Variants in MAPRE1 observed in about 807,000 individuals in gnomAD.
MAPRE1 encodes microtubule associated protein RP/EB family member 1, also known as microtubule-associated protein RP/EB family member 1.
Under a neutral mutation model 32.1 loss-of-function variants are expected in MAPRE1, and 5 were observed. That is an observed-to-expected ratio of 0.16 (90% confidence interval 0.08 to 0.33). The LOEUF (loss-of-function observed/expected upper bound fraction) is 0.33. Among genes scored for constraint, MAPRE1 ranks in the 10% least tolerant of loss-of-function variants. The pLI is 1.00. For missense variants in MAPRE1, 209 were observed against 327.2 expected, an observed-to-expected ratio of 0.64 and a Z score of 2.79; for synonymous variants, 122 against 118.9, an observed-to-expected ratio of 1.03 and a Z score of -0.17.
At chr20:32,822,432 A>G (rs1311048254) in intron 1 of MAPRE1, among the ~76,000 whole-genome samples, 1 of 152,192 alleles carries the variant, frequency 6.6e-6, no homozygotes, top group African/African-American at 2.4e-5. Flanking sequence ...GAACAGATTG[A>G]CACAGACAAA....
At chr20:32,828,791 C>G (rs1982938753) in intron 2 of MAPRE1, among the ~76,000 whole-genome samples, 1 of 152,194 alleles carries the variant, frequency 6.6e-6, no homozygotes, top group African/African-American at 2.4e-5. Context: ...TCTGAGCACA[C>G]AGCCCACATG....
chr20:32,822,860 TC>T (rs1982740149), intron 1 of MAPRE1, among the ~76,000 whole-genome samples: 2 of 152,214 alleles, frequency 1.3e-5, no homozygotes, highest in African/African-American at 2.4e-5. Context: ...TTGTGGGACT[TC>T]CTATCATAAA....
At chr20:32,822,394 A>C (rs1046431458) in intron 1 of MAPRE1, among the ~76,000 whole-genome samples, 1 of 152,178 alleles carries the variant, frequency 6.6e-6, no homozygotes, top group Non-Finnish European at 1.5e-5. Flanking sequence ...TTTGTGATTC[A>C]GGAAATTCTC....
intron 2 of MAPRE1, among the ~76,000 whole-genome samples, chr20:32,833,234 A>C (rs955661074): frequency 6.6e-6 from 1 of 152,130 alleles, no homozygotes; most frequent in Non-Finnish European, 1.5e-5. Flanking sequence ...GGTTAAATGT[A>C]TTTAGAGATG....
chr20:32,839,896 G>C, intron 5 of MAPRE1, 40 bp downstream of exon 5: 1 of 1,611,130 alleles, frequency 6.2e-7, no homozygotes, highest in Non-Finnish European at 8.5e-7. Flanking sequence ...CACCTCGGGG[G>C]ATAGGATCCT....
intron 5 of MAPRE1, chr20:32,843,567 A>G (rs745479220): frequency 6.6e-6 from 1 of 152,270 alleles, no homozygotes; most frequent in Non-Finnish European, 1.5e-5. Context: ...ATCATCTAAT[A>G]TGTAAAAAAT....
rs1027352919 is a variant in MAPRE1, at chr20:32,833,966, T to C, written c.267+104T>C. 20 of 1,162,408 alleles carry C rather than the reference T, an allele frequency of 1.7e-5. No individual in the cohort carries two copies. In the African/African-American group the frequency reaches 2.3e-4, roughly 14 times the overall value. 72.0% of individuals were successfully genotyped at this position (1,162,408 alleles called of 1,614,324 possible). A position where few individuals can be genotyped will look rare whatever the true frequency, so the allele number is the denominator to read the frequency against. On this transcript the variant is annotated intron_variant, in intron 3 of 6. Transcript: ENST00000375571. The stretch of plus-strand genomic sequence containing the variant: ...TTGGACATTTTCTTTTTTTTCTTAA[T>C]TTATCTAGTTAACTTTTCTCAGTTA...
At chr20:32,840,756 A>G (rs1983335441) in intron 5 of MAPRE1, among the ~76,000 whole-genome samples, 1 of 152,264 alleles carries the variant, frequency 6.6e-6, no homozygotes, top group Admixed American at 6.5e-5. Context: ...ACCCACACTC[A>G]GACTTCTAAG....
intron 2 of MAPRE1, among the ~76,000 whole-genome samples, chr20:32,826,736 C>T (rs1009539960): frequency 9.9e-5 from 15 of 151,474 alleles, no homozygotes; most frequent in African/African-American, 2.7e-4. Flanking sequence ...ACCATGAGGT[C>T]GAACTCGTGA....
At chr20:32,821,887 G>A (rs1982713677) in intron 1 of MAPRE1, among the ~76,000 whole-genome samples, 2 of 152,192 alleles carry the variant, frequency 1.3e-5, no homozygotes, top group African/African-American at 4.8e-5. Context: ...CCTGGATCAG[G>A]AAGCCTTGTA....
chr20:32,845,282 C>T (rs977314075), intron 5 of MAPRE1, among the ~76,000 whole-genome samples: 1 of 152,170 alleles, frequency 6.6e-6, no homozygotes, highest in African/African-American at 2.4e-5. Flanking sequence ...CTCAAGCGAT[C>T]CTCTCACCTT....
chr20:32,823,377 C>T lies in MAPRE1; in HGVS notation c.-3-2548C>T, dbSNP rs566714217. Among the ~76,000 whole-genome samples, 276 of 152,216 alleles carry T rather than the reference C, an allele frequency of 1.8e-3. 1 individual carries two copies. The highest frequency in any genetic ancestry group is 6.3e-3 in the African/African-American group (261 of 41,478). On this transcript the variant is annotated intron_variant, in intron 1 of 6. Coordinates refer to ENST00000375571, the MANE Select transcript of MAPRE1 (RefSeq NM_012325.3). The stretch of plus-strand genomic sequence containing the variant: ...CAGATTGCTCTGCATCTTTCCCCTG[C>T]CCCTCCCCACTGGTAATGTTGCTGT...
At chr20:32,828,249 G>T (rs929941349) in intron 2 of MAPRE1, among the ~76,000 whole-genome samples, 8 of 152,158 alleles carry the variant, frequency 5.3e-5, no homozygotes, top group Non-Finnish European at 1.2e-4. Flanking sequence ...CCATTTGTGT[G>T]AGGCTTTTAA....
chr20:32,834,962 A>G lies in MAPRE1; in HGVS notation c.267+1100A>G, dbSNP rs78760525. Among the ~76,000 whole-genome samples the G allele has an allele frequency of 8.5e-4, 129 of 152,328 alleles. 1 individual carries two copies. In the East Asian group the frequency reaches 0.023, roughly 27 times the overall value. On this transcript the variant is annotated intron_variant, in intron 3 of 6. Coordinates refer to ENST00000375571, the MANE Select transcript of MAPRE1 (RefSeq NM_012325.3). ...AGGTAATATTTGTGAATGTTTCAGT[A>G]TCAAGCAAAGTAACTTTTAAAAATT... is the stretch of plus-strand genomic sequence containing the variant.
rs566623343 is a variant in MAPRE1, at chr20:32,843,837, T to C, written c.598-2781T>C. ...ATAAGGTTCTAAGAGTGACCTTAAT[T>C]ACTAGCTACAGGTTTTTTTTTTTTT... On this transcript the variant is annotated intron_variant, in intron 5 of 6. Coordinates refer to ENST00000375571, the MANE Select transcript of MAPRE1 (RefSeq NM_012325.3). 5.3e-5 allele frequency among the ~76,000 whole-genome samples: 8 copies of C among 152,118 alleles called. No individual in the cohort carries two copies. The East Asian group carries it at 1.5e-3, about 29-fold the overall frequency.
chr20:32,830,059 A>G (rs181280211), intron 2 of MAPRE1, among the ~76,000 whole-genome samples: 2 of 152,164 alleles, frequency 1.3e-5, no homozygotes, highest in East Asian at 1.9e-4. Context: ...TCAAGAGCAC[A>G]GCTTGGTCCT....
chr20:32,822,796 T>G (rs1260422935), intron 1 of MAPRE1, among the ~76,000 whole-genome samples: 2 of 152,208 alleles, frequency 1.3e-5, no homozygotes, highest in East Asian at 3.8e-4. Context: ...GATTGCTTCC[T>G]GGCCCAAATC....
At chr20:32,821,518 G>A (rs1183190762) in intron 1 of MAPRE1, among the ~76,000 whole-genome samples, 1 of 152,216 alleles carries the variant, frequency 6.6e-6, no homozygotes, top group Non-Finnish European at 1.5e-5. Flanking sequence ...GCCTAGCACA[G>A]TTTTTGGCAC....
intron 4 of MAPRE1, among the ~76,000 whole-genome samples, 179 bp downstream of exon 4, chr20:32,837,020 C>T (rs891923196): frequency 1.3e-5 from 2 of 152,188 alleles, no homozygotes; most frequent in African/African-American, 2.4e-5. Context: ...CCTTAGGTGT[C>T]TGTAGCCCTG....
Sources: gnomAD v4.1 joint callset for allele counts (sites outside exome capture counted in the v4.1 genomes callset) on GRCh38, gnomAD v4.1.1 for gene constraint, MANE v1.5 for transcripts, NCBI Gene and HGNC (gene_info 2026-07-23, HGNC 2026-07-21) for gene names.